The following TRAPPC2L variants were observed in gnomAD, a reference collection of about 807,000 sequenced individuals.
TRAPPC2L encodes trafficking protein particle complex subunit 2L, also known as trafficking protein particle complex subunit 2-like protein.
Under a neutral mutation model 13.2 loss-of-function variants are expected in TRAPPC2L, and 17 were observed. The ratio of observed to expected loss-of-function variants is 1.29; its 90% CI spans 0.88 to 1.93. TRAPPC2L has a LOEUF of 1.93. Ranked by LOEUF, TRAPPC2L falls within the 30% of genes most tolerant of loss-of-function variation. The pLI, the probability that TRAPPC2L is intolerant of heterozygous loss-of-function variation, is 0.00. For synonymous variants in TRAPPC2L, 150 were observed against 98.1 expected, an observed-to-expected ratio of 1.53 and a Z score of -3.12; for missense variants, 359 against 252.1, an observed-to-expected ratio of 1.42 and a Z score of -2.87.
upstream of TRAPPC2L, chr16:88,856,894 G>C (rs1567551481): frequency 6.7e-7 from 1 of 1,502,458 alleles, no homozygotes; most frequent in Non-Finnish European, 8.8e-7. Flanking sequence ...CACGGGAGCC[G>C]CGGAGCCCCG....
exon 4 of TRAPPC2L, chr16:88,861,095 A>G (rs1398033012): frequency 6.1e-6 from 5 of 815,544 alleles, no homozygotes; most frequent in Non-Finnish European, 9.9e-6. Context: ...TCTCTCAACT[A>G]AAGGTCTTGT....
At chr16:88,857,319 A>T in intron 1 of TRAPPC2L, 136 bp downstream of exon 1, 4 of 835,844 alleles carry the variant, frequency 4.8e-6, no homozygotes, top group Non-Finnish European at 7.0e-6. Flanking sequence ...TCCAGCGGTC[A>T]GGGGCTTCGC....
chr16:88,856,506 T>C (rs1429784205), upstream of TRAPPC2L: 1 of 698,036 alleles, frequency 1.4e-6, no homozygotes, highest in Non-Finnish European at 2.6e-6. Context: ...CGTGTGGTGA[T>C]CGGTGACCGC....
At chr16:88,857,838 C>T (rs1968065983) in intron 1 of TRAPPC2L, among the ~76,000 whole-genome samples, 1 of 152,252 alleles carries the variant, frequency 6.6e-6, no homozygotes, top group Non-Finnish European at 1.5e-5. Context: ...TTTCTGAAGG[C>T]TAAGACTGAG....
chr16:88,860,228 G>C (rs902144907), exon 4 of TRAPPC2L: 17 of 703,292 alleles, frequency 2.4e-5, no homozygotes, highest in Middle Eastern at 2.3e-4. Context: ...TGGCTTCCCA[G>C]GTGTGCCCAG....
At chr16:88,857,749 G>C (rs1646239) in intron 1 of TRAPPC2L, among the ~76,000 whole-genome samples, 127,930 of 152,262 alleles carry the variant, frequency 0.84, 54,206 homozygotes, top group African/African-American at 0.96. Flanking sequence ...CCTCTCACCT[G>C]TGGGCCTTTG....
chr16:88,860,617 T>C, exon 4 of TRAPPC2L: 1 of 591,378 alleles, frequency 1.7e-6, no homozygotes, highest in Non-Finnish European at 3.0e-6. Context: ...CAGTCTTGCC[T>C]CCTGGGCTGC....
chr16:88,861,501 G>C (rs1239586926), exon 4 of TRAPPC2L: 3 of 368,582 alleles, frequency 8.1e-6, no homozygotes. Flanking sequence ...AGGAGCCCTT[G>C]TGAAACCTGG....
intron 1 of TRAPPC2L, among the ~76,000 whole-genome samples, chr16:88,857,851 G>C (rs1160649271): frequency 6.6e-6 from 1 of 152,214 alleles, no homozygotes; most frequent in Non-Finnish European, 1.5e-5. Context: ...AGACTGAGCT[G>C]GGTGGCTGCC....
intron 2 of TRAPPC2L, 127 bp downstream of exon 2, chr16:88,858,918 G>C (rs889242059): frequency 5.0e-6 from 5 of 999,834 alleles, no homozygotes; most frequent in African/African-American, 1.6e-5. Flanking sequence ...GGGAATTAGG[G>C]TAGCTTGAGG....
chr16:88,856,815 C>G, upstream of TRAPPC2L: 1 of 1,534,140 alleles, frequency 6.5e-7, no homozygotes, highest in Non-Finnish European at 8.7e-7. Context: ...AGGCCCCCAT[C>G]CCCGCGGCGC....
At chr16:88,859,898 C>T (rs770844603) in exon 4 of TRAPPC2L, 2 of 1,553,856 alleles carry the variant, frequency 1.3e-6, no homozygotes, top group African/African-American at 1.7e-5. Context: ...TTCAGATGTT[C>T]CGGAAGCTAC....
exon 4 of TRAPPC2L, chr16:88,861,737 A>AC (rs745409928): frequency 5.0e-5 from 23 of 455,802 alleles, no homozygotes; most frequent in African/African-American, 2.4e-4. Context: ...CGCTGAGGGG[A>AC]CCCCCCCGGA....
At chr16:88,857,340 C>T (rs888817262) in intron 1 of TRAPPC2L, 157 bp downstream of exon 1, 6 of 658,344 alleles carry the variant, frequency 9.1e-6, no homozygotes, top group Admixed American at 7.6e-5. Context: ...GGTGGACGAG[C>T]CGCCAGGCAG....
chr16:88,856,985 C>CGGGGCGGGGCCAGAGTCCGCGGA, upstream of TRAPPC2L: 1 of 1,389,932 alleles, frequency 7.2e-7, no homozygotes, highest in Non-Finnish European at 9.2e-7. Flanking sequence ...ACGTGACTCG[C>CGGGGCGGGGCCAGAGTCCGCGGA]GGGGCGGGGC....
chr16:88,856,575 G>T, upstream of TRAPPC2L: 1 of 425,210 alleles, frequency 2.4e-6, no homozygotes, highest in South Asian at 1.8e-5. Flanking sequence ...CTCCCCGCAC[G>T]GGGATACCCC....
chr16:88,856,746 G>A (rs1317089000), upstream of TRAPPC2L: 14 of 924,250 alleles, frequency 1.5e-5, no homozygotes, highest in South Asian at 1.1e-4. Flanking sequence ...CCGTCCCACC[G>A]CCCGCACTCA....
chr16:88,856,389 G>A, upstream of TRAPPC2L: 1 of 701,758 alleles, frequency 1.4e-6, no homozygotes, highest in Non-Finnish European at 2.6e-6. Flanking sequence ...CCTTTCCCAA[G>A]AGTAGAGGGC....
At chr16:88,859,695 T>C in exon 3 of TRAPPC2L, 1 of 1,613,992 alleles carries the variant, frequency 6.2e-7, no homozygotes, top group Non-Finnish European at 8.5e-7. Context: ...AAGGTGAAGT[T>C]TGTCATGGTG....
Sources: allele counts gnomAD v4.1 joint callset (sites outside exome capture counted in the v4.1 genomes callset), GRCh38; gene constraint gnomAD v4.1.1; transcripts MANE v1.5; gene names NCBI Gene and HGNC (gene_info 2026-07-23, HGNC 2026-07-21).